XIST: variants seen among roughly 807,000 people sequenced by gnomAD.
The protein encoded by XIST is X inactive specific transcript, also known as X inactive specific transcript (non-protein coding).
chrX:73,821,958 C>A, exon 6 of XIST: 1 of 557,263 alleles, frequency 1.8e-6, no homozygotes. Flanking sequence ...GAAATCATGT[C>A]TCCATCTCCA....
chrX:73,821,361 T>C, exon 6 of XIST: 1 of 554,573 alleles, frequency 1.8e-6, no homozygotes, highest in Non-Finnish European at 3.3e-6. Context: ...AATAAAGTCC[T>C]CTTCTTTTGA....
At chrX:73,843,451 T>C (rs1485160489) in exon 1 of XIST, 5 of 555,940 alleles carry the variant, frequency 9.0e-6, no homozygotes, top group Admixed American at 6.7e-5. Context: ...GGGAGGAACA[T>C]AGGGTCTTTT....
In XIST at chrX:73,825,681, C is replaced by T. The variant is rs1013241669; in HGVS notation, n.14220G>A. On this transcript the variant is annotated non_coding_transcript_exon_variant, in exon 6 of 6. Coordinates refer to ENST00000429829, the Ensembl canonical transcript of XIST. ...AAATATGTAACAGAAACCATATGGC[C>T]CACAGTCTAAAGTATTTATGATTTG... The T allele has an allele frequency of 1.4e-5, 7 of 512,369 alleles. No individual in the cohort carries two copies. The African/African-American group carries it at 1.6e-4, about 12-fold the overall frequency. The allele number at this position is 512,369 out of a possible 1,213,427, so 42.2% of individuals were successfully genotyped here. A position where few individuals can be genotyped will look rare whatever the true frequency, so the allele number is the denominator to read the frequency against.
chrX:73,831,202 T>A (rs1156641165), exon 4 of XIST: 1 of 554,437 alleles, frequency 1.8e-6, no homozygotes, highest in South Asian at 2.3e-5. Context: ...ATGCCCCATC[T>A]CCACCTAGGG....
intron 5 of XIST, chrX:73,828,083 C>A (rs1297003732): frequency 2.3e-6 from 1 of 435,750 alleles, no homozygotes; most frequent in Non-Finnish European, 4.0e-6. Flanking sequence ...AAAAGCATCA[C>A]AGAAAGATAA....
chrX:73,824,615 G>A (rs1271258412), exon 6 of XIST: 1 of 553,355 alleles, frequency 1.8e-6, no homozygotes, highest in South Asian at 2.3e-5. Context: ...ATTTTGTAGA[G>A]ACAATACCTA....
intron 5 of XIST, chrX:73,828,813 C>T: frequency 3.7e-6 from 1 of 269,707 alleles, no homozygotes; most frequent in Non-Finnish European, 6.6e-6. Flanking sequence ...TGACAGAGGG[C>T]CTATACAGTG....
chrX:73,823,809 A>C (rs755749261), exon 6 of XIST: 15 of 554,958 alleles, frequency 2.7e-5, no homozygotes, highest in Admixed American at 1.6e-4. Context: ...TAAACTTGTT[A>C]AATGACTTTT....
exon 1 of XIST, chrX:73,849,467 T>A (rs780005889): frequency 7.2e-6 from 4 of 557,055 alleles, no homozygotes; most frequent in Non-Finnish European, 9.7e-6. Context: ...CTACTCAAAA[T>A]TGGGACTGTG....
chrX:73,827,671 G>T, exon 6 of XIST: 1 of 550,138 alleles, frequency 1.8e-6, no homozygotes, highest in Non-Finnish European at 3.3e-6. Flanking sequence ...AGAAAAGAGA[G>T]GTAGGCAGAG....
At chrX:73,823,278 T>C in exon 6 of XIST, 4 of 491,752 alleles carry the variant, frequency 8.1e-6, no homozygotes, top group East Asian at 3.6e-5. Context: ...AAAATGTCTC[T>C]TTATTTTGAA....
exon 6 of XIST, chrX:73,825,355 C>G (rs1286368812): frequency 1.8e-6 from 1 of 557,373 alleles, no homozygotes; most frequent in Admixed American, 2.2e-5. Flanking sequence ...TGAAAGAGCA[C>G]TTTTTTATGC....
At chrX:73,846,180 G>C (rs920957807) in exon 1 of XIST, 1 of 556,965 alleles carries the variant, frequency 1.8e-6, no homozygotes. Context: ...CGCATACCAG[G>C]CCAGGAAAAA....
chrX:73,841,783 A>T (rs1922593786), exon 1 of XIST: 4 of 496,841 alleles, frequency 8.1e-6, no homozygotes, highest in Non-Finnish European at 1.4e-5. Context: ...GCTTCATTTT[A>T]TATAATAATT....
At chrX:73,846,942 C>T in exon 1 of XIST, 1 of 559,047 alleles carries the variant, frequency 1.8e-6, no homozygotes, top group South Asian at 2.2e-5. Flanking sequence ...CAATTACATG[C>T]CATCTACAGT....
At position 73,834,973 on chromosome X, in the gene XIST, G is replaced by A. The variant is rs186245611; in HGVS notation, n.11407-1599C>T. Among the ~76,000 whole-genome samples, 206 of 100,737 alleles carry A rather than the reference G, an allele frequency of 2.0e-3. 2 individuals are homozygous for A. The highest frequency in any genetic ancestry group is 7.4e-3 in the African/African-American group (193 of 25,961). The allele number at this position is 100,737 out of a possible 115,157, so 87.5% of individuals were successfully genotyped here. A position where few individuals can be genotyped will look rare whatever the true frequency, so the allele number is the denominator to read the frequency against. Reference sequence around the variant, plus strand: ...CGTGCTACTTCACTCCAGCCTGGGCGAAAGAGCAAAACTCCGTCTCAAAAA... The same window carrying A: ...CGTGCTACTTCACTCCAGCCTGGGCAAAAGAGCAAAACTCCGTCTCAAAAA... On this transcript the variant is annotated intron_variant and non_coding_transcript_variant, in intron 2 of 5. Transcript: ENST00000429829.
intron 2 of XIST, among the ~76,000 whole-genome samples, chrX:73,836,194 C>T (rs1042006011): frequency 5.4e-5 from 6 of 111,520 alleles, no homozygotes; most frequent in East Asian, 2.8e-4. Flanking sequence ...GCTTACCTGG[C>T]GATATCAGAA....
chrX:73,851,788 G>A, exon 1 of XIST: 1 of 558,539 alleles, frequency 1.8e-6, no homozygotes, highest in Non-Finnish European at 3.2e-6. Context: ...CAAACGACTA[G>A]CCCTAAGCCG....
chrX:73,821,130 A>T, exon 6 of XIST: 1 of 558,113 alleles, frequency 1.8e-6, no homozygotes, highest in Non-Finnish European at 3.2e-6. Context: ...TCCAGCTGAT[A>T]CCACACATTG....
Sources: allele counts gnomAD v4.1 joint callset (sites outside exome capture counted in the v4.1 genomes callset), GRCh38; gene constraint gnomAD v4.1.1; transcripts MANE v1.5; gene names NCBI Gene and HGNC (gene_info 2026-07-23, HGNC 2026-07-21).